KRT73: variants seen among roughly 807,000 people sequenced by gnomAD.
The protein encoded by KRT73 is keratin, type II cytoskeletal 73.
Under a neutral mutation model 47.2 loss-of-function variants are expected in KRT73, and 44 were observed. The observed-to-expected ratio is 0.93, with a 90% confidence interval of 0.73 to 1.20. The LOEUF (loss-of-function observed/expected upper bound fraction) is 1.20, where lower values mean the gene tolerates loss of function less well. Among genes scored for constraint, KRT73 ranks in the 50% most tolerant of loss-of-function variants. The probability of loss-of-function intolerance (pLI) is 0.00; values close to 1 mark genes in which losing one functional copy is unlikely to be tolerated. For synonymous variants in KRT73, 285 were observed against 291.3 expected (o/e 0.98, Z 0.22); for missense variants, 713 against 704.5 (o/e 1.01, Z -0.14).
the KRT73 span, among the ~76,000 whole-genome samples, chr12:52,629,749 T>C: frequency 6.6e-6 from 1 of 152,214 alleles, no homozygotes; most frequent in African/African-American, 2.4e-5. Flanking sequence ...GAGAACAACG[T>C]CAGAGGAAAG....
At chr12:52,620,457 A>G (rs561885826), upstream of KRT73, among the ~76,000 whole-genome samples, 3 of 152,278 alleles carry the variant, frequency 2.0e-5, no homozygotes, top group East Asian at 1.9e-4. Context: ...AAGACCAACA[A>G]AACTGCATTG....
At position 52,611,013 on chromosome 12, in the gene KRT73, C is replaced by T. The variant is rs535066725; in HGVS notation, c.1111-178G>A. On this transcript the variant is annotated intron_variant, in intron 6 of 8. Transcript: ENST00000305748. ...CTGAGAGGCTTGCTACGCTGGGCCC[C>T]ACAGCTTTATGAAAATAATCTGCAA... 1.7e-4 allele frequency: 161 copies of T among 929,672 alleles called. 2 individuals are homozygous for T. The South Asian group carries it at 2.0e-3, about 12-fold the overall frequency. 57.6% of individuals were successfully genotyped at this position (929,672 alleles called of 1,614,324 possible).
At position 52,614,653 on chromosome 12, in the gene KRT73, T is replaced by A; in HGVS notation, c.745A>T (p.Ser249Cys). 1 of 1,613,844 alleles carries A rather than the reference T, an allele frequency of 6.2e-7. No individual in the cohort carries two copies. The change falls in exon 4 of 9, where the codon AGC becomes TGC. Residue 249 changes from serine (S) to cysteine (C), a missense_variant. Ser to Cys is a moderately radical substitution (Grantham distance 112, BLOSUM62 -1). Coordinates refer to ENST00000305748, the MANE Select transcript of KRT73 (RefSeq NM_175068.3). ...ACCTTGGCCTGCAGCTCCACTTTGC[T>A]CGTGTAAGCTGCGTCCACGTCCTAT... Reference protein sequence around the residue: ...LKKDVDAAYTSKVELQAKVDA... With the variant: ...LKKDVDAAYTCKVELQAKVDA...
At chr12:52,623,992 T>C in the KRT73 span, among the ~76,000 whole-genome samples, 62,122 of 151,704 alleles carry the variant, frequency 0.41, 13,288 homozygotes, top group African/African-American at 0.44. Flanking sequence ...ATGTTAAATA[T>C]AAATGGCCTA....
At position 52,608,199 on chromosome 12, in the gene KRT73, T is replaced by C. The variant is rs1940623325; in HGVS notation, c.1620A>G (p.Arg540=). The C allele has an allele frequency of 1.1e-5, 17 of 1,610,656 alleles. No individual in the cohort carries two copies. The East Asian group carries it at 3.8e-4, about 36-fold the overall frequency. The change falls in exon 9 of 9, where the codon AGA becomes AGG. Residue 540 remains arginine (R), a synonymous_variant. Transcript: ENST00000305748. ...GGAAATGGGCTGTGTTGCACTTTTA[T>C]CTCATGGTTTTTTTGGTGGGTGAGC... ...ALSSPTKKTM[R]
intron 3 of KRT73, 112 bp downstream of exon 3, chr12:52,615,167 C>A (rs768415012): frequency 2.1e-5 from 18 of 847,098 alleles, no homozygotes; most frequent in Admixed American, 4.5e-5. Flanking sequence ...TCTCCTCCTT[C>A]AGCACTTTGG....
the KRT73 span, among the ~76,000 whole-genome samples, chr12:52,630,085 TGAGGGAAAGTCTA>T: frequency 6.6e-6 from 1 of 152,228 alleles, no homozygotes; most frequent in East Asian, 1.9e-4. Flanking sequence ...CTTGTTCAAG[TGAGGGAAAGTCTA>T]GAGGGTAAAG....
intron 3 of KRT73, 51 bp from the exon 4 acceptor site, chr12:52,614,725 G>A (rs747407531): frequency 1.3e-6 from 2 of 1,494,910 alleles, no homozygotes; most frequent in African/African-American, 1.4e-5. Flanking sequence ...AGCCCAGACA[G>A]GCCTCTCCAG....
At chr12:52,616,410 A>G (rs1940815555) in intron 1 of KRT73, 30 bp from the exon 2 acceptor site, 2 of 1,612,182 alleles carry the variant, frequency 1.2e-6, no homozygotes, top group South Asian at 1.1e-5. Flanking sequence ...TACTTAAGCA[A>G]TGTGGAGAGG....
chr12:52,616,774 G>A (rs572543229), intron 1 of KRT73, among the ~76,000 whole-genome samples: 4 of 152,230 alleles, frequency 2.6e-5, no homozygotes, highest in East Asian at 1.9e-4. Flanking sequence ...CCTTCTGCTC[G>A]GGGTCTGGTG....
upstream of KRT73, among the ~76,000 whole-genome samples, chr12:52,619,782 C>T (rs1940872562): frequency 6.6e-6 from 1 of 152,086 alleles, no homozygotes; most frequent in African/African-American, 2.4e-5. Context: ...AAGTATGTGA[C>T]CCAAGAGTTT....
chr12:52,614,975 C>A, intron 3 of KRT73: 1 of 530,702 alleles, frequency 1.9e-6, no homozygotes, highest in Non-Finnish European at 3.3e-6. Flanking sequence ...CGGCGATTTG[C>A]CAGAAACTAG....
At chr12:52,627,264 T>G in the KRT73 span, among the ~76,000 whole-genome samples, 1 of 152,242 alleles carries the variant, frequency 6.6e-6, no homozygotes, top group Non-Finnish European at 1.5e-5. Context: ...TGTCTCACTA[T>G]ACTGTGCACC....
In KRT73 at chr12:52,618,216, A is replaced by G; in HGVS notation, c.309T>C (p.Gly103=). Residue 103 remains glycine, a synonymous_variant, in exon 1 of 9, where the codon GGT becomes GGC. Transcript: ENST00000305748. ...SVCPSLCPPG[G]IHQVTINKSL... ...TCTTGTTGATGGTGACCTGATGGAT[A>G]CCCCCGGGCGGGCACAACGACGGAC... The G allele has an allele frequency of 1.2e-6, 2 of 1,613,842 alleles. No individual in the cohort carries two copies. Among genetic ancestry groups the G allele is most frequent in the Non-Finnish European group, 1.7e-6 (2 of 1,179,982 alleles).
rs1940773455 is a variant in KRT73, at chr12:52,614,602, A to G, written c.796T>C (p.Phe266Leu). The G allele has an allele frequency of 5.0e-6, 8 of 1,613,760 alleles. No individual in the cohort carries two copies. The highest frequency in any genetic ancestry group is 5.9e-6 in the Non-Finnish European group (7 of 1,179,898). ...ACCCCCTCGTACAGACACTTGAAGA[A>G]CTTGATTTCTCCATCCAGGGCATCC... ...KVDALDGEIK[F>L]FKCLYEGETA... The change falls in exon 4 of 9, where the codon TTC (phenylalanine) becomes CTC (leucine). Residue 266 changes from phenylalanine (F) to leucine (L), a missense_variant. Physicochemically the swap from Phe to Leu is conservative, Grantham distance 22 (BLOSUM62 0). Coordinates refer to ENST00000305748, the MANE Select transcript of KRT73 (RefSeq NM_175068.3).
Position 52,607,632 on chromosome 12 carries a change from G to C in KRT73, c.*564C>G, listed in dbSNP as rs538997487. 1 of 152,476 alleles carries C rather than the reference G, an allele frequency of 6.6e-6. No homozygotes were observed. The highest frequency in any genetic ancestry group is 1.9e-4 in the East Asian group (1 of 5,178). The allele number at this position is 152,476 out of a possible 1,614,324, so 9.4% of individuals were successfully genotyped here. A position where few individuals can be genotyped will look rare whatever the true frequency, so the allele number is the denominator to read the frequency against. Reference sequence around the variant, plus strand: ...GGAGGTGAGGCCTAAACAAGGACAAGTACCCACAGATGAAGAGCACAAATC... The same window carrying C: ...GGAGGTGAGGCCTAAACAAGGACAACTACCCACAGATGAAGAGCACAAATC... On this transcript the variant is annotated 3_prime_UTR_variant, in exon 9 of 9. Coordinates refer to ENST00000305748, the MANE Select transcript of KRT73 (RefSeq NM_175068.3).
Position 52,618,501 on chromosome 12 carries a change from C to G in KRT73, c.24G>C (p.Lys8Asn), listed in dbSNP as rs1344952720. 2.5e-6 allele frequency: 4 copies of G among 1,605,224 alleles called. No individual in the cohort carries two copies. The highest frequency in any genetic ancestry group is 3.4e-6 in the Non-Finnish European group (4 of 1,175,162). MSRQFTY[K>N]SGAAAKGGFS... is the part of the protein sequence containing the mutation. ...AGCCCCCCTTGGCAGCAGCTCCCGACTTGTAGGTGAATTGGCGGCTCATGG... is the reference window on the plus strand; with the variant it reads ...AGCCCCCCTTGGCAGCAGCTCCCGAGTTGTAGGTGAATTGGCGGCTCATGG... Residue 8 changes from lysine to asparagine, a missense_variant, in exon 1 of 9, where the codon AAG becomes AAC. By Grantham distance (94) the Lys-to-Asn change is moderately conservative. Coordinates refer to ENST00000305748, the MANE Select transcript of KRT73 (RefSeq NM_175068.3).
At position 52,608,401 on chromosome 12, in the gene KRT73, C is replaced by G; in HGVS notation, c.1418G>C (p.Gly473Ala). ...GCCGTAGGTGCCAGCATTGCTGAAT[C>G]CAAAGCCAGCCCCTGTGCCTGCCAT... The part of the protein sequence containing the change: ...AGMAGTGAGF[G>A]FSNAGTYGYW... Residue 473 changes from glycine to alanine, a missense_variant, in exon 9 of 9, where the codon GGA (glycine) becomes GCA (alanine). Physicochemically the swap from Gly to Ala is moderately conservative, Grantham distance 60. Transcript: ENST00000305748. 6.2e-7 allele frequency: 1 copy of G among 1,612,508 alleles called. No individual in the cohort carries two copies. Among genetic ancestry groups the G allele is most frequent in the East Asian group, 2.2e-5 (1 of 44,878 alleles).
intron 7 of KRT73, 86 bp downstream of exon 7, chr12:52,610,529 G>GCGGGGGGGGGGGCCCCCCCCC: frequency 3.4e-6 from 1 of 295,156 alleles, no homozygotes; most frequent in Non-Finnish European, 6.8e-6. Flanking sequence ...CCAGCTCGCC[G>GCGGGGGGGGGGGCCCCCCCCC]CCCCCTCCCC....
Sources: gnomAD v4.1 joint callset for allele counts (sites outside exome capture counted in the v4.1 genomes callset) on GRCh38, gnomAD v4.1.1 for gene constraint, MANE v1.5 for transcripts, NCBI Gene and HGNC (gene_info 2026-07-23, HGNC 2026-07-21) for gene names.